The following HS6ST3 variants were observed in gnomAD, a reference collection of about 807,000 sequenced individuals.
The protein encoded by HS6ST3 is heparan-sulfate 6-O-sulfotransferase 3.
Under a neutral mutation model 36.7 loss-of-function variants are expected in HS6ST3, and 12 were observed. The ratio of observed to expected loss-of-function variants is 0.33; its 90% CI spans 0.21 to 0.53. The LOEUF (loss-of-function observed/expected upper bound fraction) is 0.53. Ranked by LOEUF, HS6ST3 falls within the 20% of genes least tolerant of loss-of-function variation. The pLI, the probability that HS6ST3 is intolerant of heterozygous loss-of-function variation, is 0.95. For synonymous variants in HS6ST3, 240 were observed against 257.5 expected, an observed-to-expected ratio of 0.93 and a Z score of 0.65; for missense variants, 584 against 640.9, an observed-to-expected ratio of 0.91 and a Z score of 0.96.
At chr13:96,830,607 G>T (rs568264826) in intron 1 of HS6ST3, among the ~76,000 whole-genome samples, 2 of 152,154 alleles carry the variant, frequency 1.3e-5, no homozygotes, top group Non-Finnish European at 1.5e-5. Flanking sequence ...CCCTCTGGAC[G>T]CCAGGTTGAG....
intron 1 of HS6ST3, among the ~76,000 whole-genome samples, chr13:96,266,731 G>C (rs1022710043): frequency 6.6e-6 from 1 of 152,124 alleles, no homozygotes; most frequent in East Asian, 1.9e-4. Flanking sequence ...TAATATATTT[G>C]ACTTTAGACT....
At chr13:96,276,927 C>T (rs2139391550) in intron 1 of HS6ST3, among the ~76,000 whole-genome samples, 1 of 152,310 alleles carries the variant, frequency 6.6e-6, no homozygotes, top group East Asian at 1.9e-4. Flanking sequence ...AAACAACAGT[C>T]TTGCAGTTCT....
chr13:96,634,711 A>T (rs1232631809), intron 1 of HS6ST3, among the ~76,000 whole-genome samples: 1 of 152,120 alleles, frequency 6.6e-6, no homozygotes, highest in East Asian at 1.9e-4. Flanking sequence ...ATTCTGTCTC[A>T]CATGTATGTC....
intron 1 of HS6ST3, among the ~76,000 whole-genome samples, chr13:96,440,365 G>C (rs1182064913): frequency 6.6e-6 from 1 of 151,364 alleles, no homozygotes; most frequent in East Asian, 2.0e-4. Flanking sequence ...AGAATCGCTT[G>C]AACCCAGGAG....
intron 1 of HS6ST3, among the ~76,000 whole-genome samples, chr13:96,333,283 G>A (rs2055081969): frequency 6.6e-6 from 1 of 152,180 alleles, no homozygotes; most frequent in African/African-American, 2.4e-5. Context: ...CAAAGCAAGG[G>A]GGACTCTTTG....
intron 1 of HS6ST3, among the ~76,000 whole-genome samples, chr13:96,325,522 T>C (rs1047026323): frequency 6.6e-6 from 1 of 152,202 alleles, no homozygotes; most frequent in Non-Finnish European, 1.5e-5. Flanking sequence ...ATGGCAGTTA[T>C]ATTTTATTGG....
chr13:96,346,962 G>T (rs961216511), intron 1 of HS6ST3, among the ~76,000 whole-genome samples: 1 of 152,092 alleles, frequency 6.6e-6, no homozygotes, highest in Non-Finnish European at 1.5e-5. Flanking sequence ...ATGTTGGAGA[G>T]GTCCCCATGG....
chr13:96,286,839 T>TTAATTATACCTTATTAAGGTATAATTAA (rs1355146502), intron 1 of HS6ST3, among the ~76,000 whole-genome samples: 3 of 152,060 alleles, frequency 2.0e-5, no homozygotes, highest in East Asian at 1.9e-4. Flanking sequence ...ACACTTACCC[T>TTAATTATACCTTATTAAGGTATAATTAA]TAATTATACC....
chr13:96,539,456 A>G (rs571088273), intron 1 of HS6ST3, among the ~76,000 whole-genome samples: 1 of 152,160 alleles, frequency 6.6e-6, no homozygotes, highest in South Asian at 2.1e-4. Flanking sequence ...CTCGGGTTCA[A>G]GTGATTTTCC....
At position 96,090,850 on chromosome 13, in the gene HS6ST3, T is replaced by C; in HGVS notation, c.-13T>C. 6.8e-7 allele frequency: 1 copy of C among 1,481,314 alleles called. No individual in the cohort carries two copies. Among genetic ancestry groups the C allele is most frequent in the South Asian group, 1.3e-5 (1 of 79,250 alleles). The allele number at this position is 1,481,314 out of a possible 1,614,324, so 91.8% of individuals were successfully genotyped here. A position where few individuals can be genotyped will look rare whatever the true frequency, so the allele number is the denominator to read the frequency against. On this transcript the variant is annotated 5_prime_UTR_variant, in exon 1 of 2. It removes the in-frame stop codon of an upstream open reading frame in the 5' UTR. Transcript: ENST00000376705. Reference sequence around the variant, plus strand: ...GCCGCCGCCGCTTCGCCTGCCGGCCTGAGAGCGGGACCATGGATGAAAGGT... The same window carrying C: ...GCCGCCGCCGCTTCGCCTGCCGGCCCGAGAGCGGGACCATGGATGAAAGGT...
intron 1 of HS6ST3, among the ~76,000 whole-genome samples, chr13:96,651,421 C>T (rs926253009): frequency 2.6e-5 from 4 of 151,954 alleles, no homozygotes; most frequent in African/African-American, 7.2e-5. Flanking sequence ...AATCTAGACT[C>T]AGCGGGGCAC....
intron 1 of HS6ST3, among the ~76,000 whole-genome samples, chr13:96,301,262 A>G (rs770530494): frequency 9.2e-5 from 14 of 152,348 alleles, no homozygotes; most frequent in Middle Eastern, 3.4e-3. Flanking sequence ...ATATTTGCCA[A>G]TCTTATATAC....
intron 1 of HS6ST3, among the ~76,000 whole-genome samples, chr13:96,425,412 A>G (rs548664700): frequency 6.6e-6 from 1 of 152,176 alleles, no homozygotes; most frequent in African/African-American, 2.4e-5. Flanking sequence ...TTGGCTTTTC[A>G]AAGATAAAAT....
At chr13:96,189,667 A>T (rs749990045) in intron 1 of HS6ST3, among the ~76,000 whole-genome samples, 6 of 152,162 alleles carry the variant, frequency 3.9e-5, no homozygotes, top group Non-Finnish European at 8.8e-5. Context: ...CTTCTTGCTC[A>T]TGTTACTTGT....
At chr13:96,129,575 G>A (rs1195171518) in intron 1 of HS6ST3, among the ~76,000 whole-genome samples, 1 of 152,202 alleles carries the variant, frequency 6.6e-6, no homozygotes, top group Non-Finnish European at 1.5e-5. Context: ...TTAATTTGGA[G>A]CTTATCTTAT....
At chr13:96,398,574 C>T (rs931524525) in intron 1 of HS6ST3, among the ~76,000 whole-genome samples, 10 of 152,190 alleles carry the variant, frequency 6.6e-5, no homozygotes, top group African/African-American at 2.4e-4. Context: ...CCACCAAGCC[C>T]AGCCCCATCT....
chr13:96,297,937 A>G (rs2054863152), intron 1 of HS6ST3, among the ~76,000 whole-genome samples: 1 of 152,184 alleles, frequency 6.6e-6, no homozygotes, highest in South Asian at 2.1e-4. Context: ...TCTTGAATGA[A>G]TGAATGAGTG....
intron 1 of HS6ST3, among the ~76,000 whole-genome samples, chr13:96,474,586 A>G (rs1470981499): frequency 6.9e-6 from 1 of 144,950 alleles, no homozygotes; most frequent in Non-Finnish European, 1.5e-5. Context: ...AGCATTTGCT[A>G]TACAGTAATA....
At chr13:96,549,266 TAAAG>T (rs2056209823) in intron 1 of HS6ST3, among the ~76,000 whole-genome samples, 2 of 152,148 alleles carry the variant, frequency 1.3e-5, no homozygotes, top group African/African-American at 4.8e-5. Flanking sequence ...GTATGCAGAA[TAAAG>T]AACTTCTGTA....
Sources: gnomAD v4.1 joint callset for allele counts (sites outside exome capture counted in the v4.1 genomes callset) on GRCh38, gnomAD v4.1.1 for gene constraint, MANE v1.5 for transcripts, NCBI Gene and HGNC (gene_info 2026-07-23, HGNC 2026-07-21) for gene names.